The following PTTG1IP variants were observed in gnomAD, a reference collection of about 807,000 sequenced individuals.
PTTG1IP encodes pituitary tumor-transforming gene 1 protein-interacting protein.
In PTTG1IP, 16 loss-of-function variants were observed where a neutral mutation model predicts 24.4. The observed-to-expected ratio is 0.66, with a 90% confidence interval of 0.44 to 1.00. The LOEUF is 1.00. PTTG1IP is among the 50% of genes least tolerant of loss of function. The pLI is 0.00. For synonymous variants in PTTG1IP, 89 were observed against 96.8 expected (o/e 0.92, Z 0.47); for missense variants, 241 against 245.8 (o/e 0.98, Z 0.13).
intron 3 of PTTG1IP, among the ~76,000 whole-genome samples, chr21:44,859,604 G>A (rs1021411885): frequency 1.3e-5 from 2 of 152,274 alleles, no homozygotes; most frequent in Non-Finnish European, 1.5e-5. Context: ...AAAGGGCAAG[G>A]CTCCCCAGGT....
chr21:44,872,541 G>T (rs890510658), intron 1 of PTTG1IP, among the ~76,000 whole-genome samples: 16 of 152,274 alleles, frequency 1.1e-4, no homozygotes, highest in African/African-American at 3.9e-4. Flanking sequence ...CTCCACACAC[G>T]GAAGCCAGCA....
rs188629161 is a variant in PTTG1IP, at chr21:44,859,411, G to A, written c.277+1752C>T. 2.7e-3 allele frequency among the ~76,000 whole-genome samples: 410 copies of A among 151,614 alleles called. 2 individuals are homozygous for A. The highest frequency in any genetic ancestry group is 2.8e-3 in the Non-Finnish European group (190 of 67,650). On this transcript the variant is annotated intron_variant, in intron 3 of 5. Coordinates refer to ENST00000330938, the MANE Select transcript of PTTG1IP (RefSeq NM_004339.4). ...TACGCACACACGTGTGCATTATGTA[G>A]GCTATAAGCCGCGGTCCATGTAGGC...
At chr21:44,868,582 G>C (rs966454129) in intron 1 of PTTG1IP, among the ~76,000 whole-genome samples, 1 of 152,160 alleles carries the variant, frequency 6.6e-6, no homozygotes, top group African/African-American at 2.4e-5. Context: ...CCAGCCTGGA[G>C]GGAGTCTTTC....
At chr21:44,855,324 C>G (rs942279600) in intron 4 of PTTG1IP, 68 bp from the exon 5 acceptor site, 1 of 1,492,158 alleles carries the variant, frequency 6.7e-7, no homozygotes, top group African/African-American at 1.4e-5. Flanking sequence ...TAGACACGCC[C>G]TTCCGTGTCC....
intron 1 of PTTG1IP, among the ~76,000 whole-genome samples, chr21:44,870,919 G>A (rs533446186): frequency 6.6e-6 from 1 of 152,182 alleles, no homozygotes; most frequent in Non-Finnish European, 1.5e-5. Context: ...AACACACTAA[G>A]GACAAAGGAA....
At chr21:44,862,034 G>A (rs114870172) in intron 2 of PTTG1IP, 6,944 of 592,660 alleles carry the variant, frequency 0.012, 354 homozygotes, top group African/African-American at 0.11. Context: ...CCCCTTGAAC[G>A]TCAGGTGTGA....
At position 44,865,472 on chromosome 21, in the gene PTTG1IP, G is replaced by A. The variant is rs780310568; in HGVS notation, c.116-25C>T. 3.7e-6 allele frequency: 6 copies of A among 1,612,852 alleles called. No individual in the cohort carries two copies. The East Asian group carries it at 8.9e-5, about 24-fold the overall frequency. On this transcript the variant is annotated intron_variant, in intron 1 of 5. Coordinates refer to ENST00000330938, the MANE Select transcript of PTTG1IP (RefSeq NM_004339.4). ...GCTGCAGGAAAGAGGCAAGAGACAAGTCAGTCACTGAGAATCAGGCAGTGT... is the reference window on the plus strand; with the variant it reads ...GCTGCAGGAAAGAGGCAAGAGACAAATCAGTCACTGAGAATCAGGCAGTGT...
At chr21:44,856,494 G>T in intron 3 of PTTG1IP, 130 bp from the exon 4 acceptor site, 2 of 1,042,066 alleles carry the variant, frequency 1.9e-6, no homozygotes, top group Non-Finnish European at 2.7e-6. Flanking sequence ...CCTCGGCCAG[G>T]CTGCTGGCTC....
intron 1 of PTTG1IP, among the ~76,000 whole-genome samples, chr21:44,872,357 C>T (rs542689716): frequency 2.0e-5 from 3 of 152,304 alleles, no homozygotes; most frequent in Non-Finnish European, 4.4e-5. Context: ...TCCATAAGGT[C>T]ACAAAAAGAA....
Position 44,860,196 on chromosome 21 carries a change from G to A in PTTG1IP, c.277+967C>T, listed in dbSNP as rs572120228. On this transcript the variant is annotated intron_variant, in intron 3 of 5. Transcript: ENST00000330938. The stretch of plus-strand genomic sequence containing the variant: ...ATCCTGGCTAACACAGTGAAACCCC[G>A]TCTCTACTAAAAAATACAAGAAATT... Among the ~76,000 whole-genome samples, 13 of 152,148 alleles carry A rather than the reference G, an allele frequency of 8.5e-5. No individual in the cohort carries two copies. The East Asian group carries it at 9.7e-4, about 11-fold the overall frequency.
intron 1 of PTTG1IP, chr21:44,865,701 C>T: frequency 3.4e-6 from 2 of 583,474 alleles, no homozygotes; most frequent in Non-Finnish European, 6.1e-6. Flanking sequence ...TCCACAAGGG[C>T]TCTTCTGGGA....
rs34007977 is a variant in PTTG1IP, at chr21:44,866,423, A to AACACACAC, written c.116-984_116-977dup. Among the ~76,000 whole-genome samples, 24 of 19,792 alleles carry AACACACAC rather than the reference A, an allele frequency of 1.2e-3. 3 individuals carry two copies. Among genetic ancestry groups the AACACACAC allele is most frequent in the Non-Finnish European group, 1.8e-3 (19 of 10,750 alleles). 13.0% of individuals were successfully genotyped at this position (19,792 alleles called of 152,430 possible). A position where few individuals can be genotyped will look rare whatever the true frequency, so the allele number is the denominator to read the frequency against. On this transcript the variant is annotated intron_variant, in intron 1 of 5. Transcript: ENST00000330938. ...CAGAGACTGCCTACTCCAATCCCATAACACACACACACACACACACACAGA... is the reference window on the plus strand; with the variant it reads ...CAGAGACTGCCTACTCCAATCCCATAACACACACACACACACACACACACACACACAGA...
chr21:44,862,765 T>C (rs567049561), intron 2 of PTTG1IP, among the ~76,000 whole-genome samples: 85 of 152,324 alleles, frequency 5.6e-4, no homozygotes, highest in African/African-American at 2.0e-3. Context: ...CACCTTAGTG[T>C]CGTGTTTAAG....
At chr21:44,869,034 C>T (rs2083564184) in intron 1 of PTTG1IP, among the ~76,000 whole-genome samples, 1 of 152,210 alleles carries the variant, frequency 6.6e-6, no homozygotes, top group African/African-American at 2.4e-5. Flanking sequence ...AGGACAGAAT[C>T]ACTGTGCCGT....
Position 44,865,398 on chromosome 21 carries a change from G to T in PTTG1IP, c.165C>A (p.Val55=). 2.5e-6 allele frequency: 4 copies of T among 1,614,174 alleles called. No individual in the cohort carries two copies. The highest frequency in any genetic ancestry group is 3.4e-6 in the Non-Finnish European group (4 of 1,180,014). Residue 55 remains valine, a synonymous_variant, in exon 2 of 6, where the codon GTC becomes GTA. Coordinates refer to ENST00000330938, the MANE Select transcript of PTTG1IP (RefSeq NM_004339.4). ...NKTCEECLKN[V]SCLWCNTNKA... ...CTCTAGTCCACGTGCTACTTACGGA[G>T]ACGTTCTTCAGGCACTCTTCACAGG...
Position 44,873,527 on chromosome 21 carries a change from G to C in PTTG1IP, c.90C>G (p.Ala30=). 1 of 1,465,754 alleles carries C rather than the reference G, an allele frequency of 6.8e-7. No homozygotes were observed. 90.8% of individuals were successfully genotyped at this position (1,465,754 alleles called of 1,614,324 possible). ...AALLLLLIPV[A]AAQEPPGAAC... ...CAGCTCCGGGAGGCTCCTGCGCGGC[G>C]GCCACCGGGATGAGCAGCAGGAGCA... Residue 30 remains alanine, a synonymous_variant, in exon 1 of 6, where the codon GCC becomes GCG. Transcript: ENST00000330938.
chr21:44,867,724 A>T (rs114630078), intron 1 of PTTG1IP, among the ~76,000 whole-genome samples: 1 of 152,372 alleles, frequency 6.6e-6, no homozygotes, highest in African/African-American at 2.4e-5. Context: ...AAGCATGGCG[A>T]CACGGCTGAA....
chr21:44,865,472 G>C (rs780310568), intron 1 of PTTG1IP, 25 bp from the exon 2 acceptor site: 5 of 1,612,734 alleles, frequency 3.1e-6, no homozygotes, highest in Non-Finnish European at 4.2e-6. Context: ...CAAGAGACAA[G>C]TCAGTCACTG....
Position 44,862,059 on chromosome 21 carries a change from G to GGAGACAACACGTGTGT in PTTG1IP, c.169-789_169-788insACACACGTGTTGTCTC, listed in dbSNP as rs2083495945. ...GTCAGGTGTGAGGCCGCAGTGGTGT[G>GGAGACAACACGTGTGT]GAGACAACACCATCACACCCGTGTG... On this transcript the variant is annotated intron_variant, in intron 2 of 5. Transcript: ENST00000330938. The GGAGACAACACGTGTGT allele has an allele frequency of 8.8e-6, 5 of 567,114 alleles. No individual in the cohort carries two copies. In the South Asian group the frequency reaches 9.7e-5, roughly 11 times the overall value. The allele number at this position is 567,114 out of a possible 1,614,324, so 35.1% of individuals were successfully genotyped here. A position where few individuals can be genotyped will look rare whatever the true frequency, so the allele number is the denominator to read the frequency against.
Sources: allele counts gnomAD v4.1 joint callset (sites outside exome capture counted in the v4.1 genomes callset), GRCh38; gene constraint gnomAD v4.1.1; transcripts MANE v1.5; gene names NCBI Gene and HGNC (gene_info 2026-07-23, HGNC 2026-07-21).